The following REXO1 variants were observed in gnomAD, a reference collection of about 807,000 sequenced individuals.
The protein encoded by REXO1 is RNA exonuclease 1 homolog, also known as REX1, RNA exonuclease 1 homolog.
A neutral mutation model predicts 102.6 loss-of-function variants in REXO1; 42 were observed. The observed-to-expected ratio is 0.41, with a 90% CI of 0.32 to 0.53. The LOEUF is 0.53. REXO1 is among the 20% of genes least tolerant of loss of function. The pLI, the probability that REXO1 is intolerant of heterozygous loss-of-function variation, is 0.27. For missense variants in REXO1, 1,819 were observed against 1,732.5 expected (o/e 1.05, Z -0.89); for synonymous variants, 908 against 779.1 (o/e 1.17, Z -2.76).
chr19:1,837,587 C>A (rs2145317125), intron 1 of REXO1, among the ~76,000 whole-genome samples: 1 of 152,230 alleles, frequency 6.6e-6, no homozygotes, highest in Middle Eastern at 3.4e-3. Context: ...CCCAGCTCTG[C>A]CCCACCCCCC....
intron 1 of REXO1, among the ~76,000 whole-genome samples, chr19:1,839,910 C>T (rs2011211002): frequency 6.6e-6 from 1 of 152,228 alleles, no homozygotes; most frequent in African/African-American, 2.4e-5. Flanking sequence ...CTGCGCAGGC[C>T]CACTTCCATG....
At chr19:1,833,068 C>T (rs886591622) in intron 1 of REXO1, among the ~76,000 whole-genome samples, 7 of 151,896 alleles carry the variant, frequency 4.6e-5, no homozygotes, top group Non-Finnish European at 8.8e-5. Flanking sequence ...CAAAAAAATA[C>T]AAAAAATGAG....
At chr19:1,841,854 G>A (rs2011298013) in intron 1 of REXO1, among the ~76,000 whole-genome samples, 1 of 152,156 alleles carries the variant, frequency 6.6e-6, no homozygotes, top group Non-Finnish European at 1.5e-5. Flanking sequence ...GGCAGGGACG[G>A]TGCTTCTCAG....
chr19:1,819,332 C>T (rs897916734), intron 7 of REXO1, among the ~76,000 whole-genome samples: 1 of 152,154 alleles, frequency 6.6e-6, no homozygotes, highest in African/African-American at 2.4e-5. Flanking sequence ...GCAGGGCAGC[C>T]GCCAGCTCTG....
At chr19:1,816,633 G>GT in intron 13 of REXO1, 64 bp from the exon 14 acceptor site, 5 of 1,481,888 alleles carry the variant, frequency 3.4e-6, no homozygotes, top group East Asian at 2.3e-5. Flanking sequence ...TGGGGCGGGG[G>GT]AGGGTGGGTC....
At chr19:1,828,804 C>T (rs1370890586) in intron 1 of REXO1, among the ~76,000 whole-genome samples, 173 bp from the exon 2 acceptor site, 1 of 152,260 alleles carries the variant, frequency 6.6e-6, no homozygotes, top group Non-Finnish European at 1.5e-5. Flanking sequence ...GCCATGGCGC[C>T]ATCTCAGGCC....
chr19:1,824,271 C>G (rs1382754765), intron 3 of REXO1: 1 of 153,116 alleles, frequency 6.5e-6, no homozygotes, highest in East Asian at 1.9e-4. Context: ...GAGCTCAGAG[C>G]TGGACAACCG....
In REXO1 at chr19:1,818,474, G is replaced by A. The variant is rs1344820918; in HGVS notation, c.3016+8C>T. 1.3e-6 allele frequency: 2 copies of A among 1,584,216 alleles called. No homozygotes were observed. The highest frequency in any genetic ancestry group is 1.3e-5 in the African/African-American group (1 of 74,280). Reference sequence around the variant, plus strand: ...GTGGGAAGGGGAAGGACCCGGGTAAGGCCTTACCCCGGTTCCGGCGCAGCC... The same window carrying A: ...GTGGGAAGGGGAAGGACCCGGGTAAAGCCTTACCCCGGTTCCGGCGCAGCC... On this transcript the variant is annotated splice_region_variant and intron_variant, in intron 10 of 15. Coordinates refer to ENST00000170168, the MANE Select transcript of REXO1 (RefSeq NM_020695.4).
Position 1,823,574 on chromosome 19 carries a change from G to T in REXO1, c.2228C>A (p.Ala743Glu). ...IAHIPNPRLA[A>E]APTGAKRTLA... ...AGGCCCCCTGGGCCAGGACTCACCT[G>T]CAGCCAGGCGGGGGTTGGGGATGTG... The change falls in exon 4 of 16, where the codon GCA (alanine) becomes GAA (glutamate). Residue 743 changes from alanine (A) to glutamate (E), a missense_variant and splice_region_variant. Ala to Glu is a moderately radical substitution (Grantham distance 107, BLOSUM62 -1). Transcript: ENST00000170168. 7.6e-7 allele frequency: 1 copy of T among 1,307,652 alleles called. No homozygotes were observed. Among genetic ancestry groups the T allele is most frequent in the East Asian group, 3.0e-5 (1 of 32,798 alleles). The allele number at this position is 1,307,652 out of a possible 1,614,324, so 81.0% of individuals were successfully genotyped here.
chr19:1,828,688 T>G (rs1017560042), intron 1 of REXO1, 57 bp from the exon 2 acceptor site: 3 of 1,521,956 alleles, frequency 2.0e-6, no homozygotes, highest in South Asian at 2.4e-5. Context: ...GCCCGCAGCA[T>G]GGGGGCGGCC....
intron 1 of REXO1, among the ~76,000 whole-genome samples, chr19:1,836,412 C>A (rs1225081906): frequency 6.6e-6 from 1 of 152,170 alleles, no homozygotes; most frequent in Non-Finnish European, 1.5e-5. Flanking sequence ...GAGCCCCAGG[C>A]CCCTCCCACC....
chr19:1,817,534 G>T lies in REXO1; in HGVS notation c.3090+173C>A, dbSNP rs1034070964. 5 of 1,464,710 alleles carry T rather than the reference G, an allele frequency of 3.4e-6. No individual in the cohort carries two copies. In the African/African-American group the frequency reaches 7.1e-5, roughly 21 times the overall value. 90.7% of individuals were successfully genotyped at this position (1,464,710 alleles called of 1,614,324 possible). A position where few individuals can be genotyped will look rare whatever the true frequency, so the allele number is the denominator to read the frequency against. ...GCTTCCCAGGATGGGAAGTGGCCAG[G>T]GACAGGGCCTGGGGCCTACGGGTGC... On this transcript the variant is annotated intron_variant, in intron 11 of 15. Coordinates refer to ENST00000170168, the MANE Select transcript of REXO1 (RefSeq NM_020695.4).
rs1321516275 is a variant in REXO1 at position 1,828,165 on chromosome 19, C to T, written c.624G>A (p.Gln208=). ...ALEYVPKAVS[Q]PRRHSRPVPS... ...GAACGGGGCGGCTGTGCCGCCGGGG[C>T]TGGCTCACAGCCTTGGGGACGTATT... Residue 208 remains glutamine, a synonymous_variant, in exon 2 of 16, where the codon CAG becomes CAA. Transcript: ENST00000170168. The T allele has an allele frequency of 6.2e-7, 1 of 1,610,132 alleles. No individual in the cohort carries two copies. Among genetic ancestry groups the T allele is most frequent in the South Asian group, 1.1e-5 (1 of 90,674 alleles).
chr19:1,817,739 C>T lies in REXO1; in HGVS notation c.3058G>A (p.Ala1020Thr), dbSNP rs955248265. 6.2e-7 allele frequency: 1 copy of T among 1,612,254 alleles called. No homozygotes were observed. Among genetic ancestry groups the T allele is most frequent in the Non-Finnish European group, 8.5e-7 (1 of 1,179,748 alleles). The change falls in exon 11 of 16, where the codon GCC (alanine) becomes ACC (threonine). Residue 1020 changes from alanine (A) to threonine (T), a missense_variant. Ala to Thr is a moderately conservative substitution (Grantham distance 58). Coordinates refer to ENST00000170168, the MANE Select transcript of REXO1 (RefSeq NM_020695.4). ...WETQYMCCSA[A>T]AGSVGCQVAK... ...ACTTGGCAGCCGACAGAGCCGGCGGCAGCCGAGCAGCACATGTACTGGGTC... is the reference window on the plus strand; with the variant it reads ...ACTTGGCAGCCGACAGAGCCGGCGGTAGCCGAGCAGCACATGTACTGGGTC...
At chr19:1,838,059 G>A (rs533309063) in intron 1 of REXO1, among the ~76,000 whole-genome samples, 2 of 152,250 alleles carry the variant, frequency 1.3e-5, no homozygotes, top group Admixed American at 6.5e-5. Context: ...TCTAATCCCC[G>A]CGCTCTGGGA....
intron 12 of REXO1, 188 bp downstream of exon 12, chr19:1,817,031 C>T (rs2069386661): frequency 2.5e-6 from 2 of 792,860 alleles, no homozygotes; most frequent in Non-Finnish European, 3.9e-6. Flanking sequence ...GCCCAGTGCC[C>T]GGTGTGCTTG....
At chr19:1,844,885 CAGG>C (rs2011467157) in intron 1 of REXO1, among the ~76,000 whole-genome samples, 1 of 152,234 alleles carries the variant, frequency 6.6e-6, no homozygotes, top group Non-Finnish European at 1.5e-5. Flanking sequence ...CTGCCTCCCT[CAGG>C]AGAAGCATCA....
chr19:1,838,503 C>T (rs1012317175), intron 1 of REXO1, among the ~76,000 whole-genome samples: 1 of 149,804 alleles, frequency 6.7e-6, no homozygotes, highest in Non-Finnish European at 1.5e-5. Context: ...TGCCTGTAAT[C>T]CCAGGTAATC....
At chr19:1,835,827 A>G (rs1178142572) in intron 1 of REXO1, among the ~76,000 whole-genome samples, 4 of 152,084 alleles carry the variant, frequency 2.6e-5, no homozygotes, top group Admixed American at 2.6e-4. Flanking sequence ...TGGTCCTGAG[A>G]GGCCACAACG....
Sources: gnomAD v4.1 joint callset for allele counts (sites outside exome capture counted in the v4.1 genomes callset) on GRCh38, gnomAD v4.1.1 for gene constraint, MANE v1.5 for transcripts, NCBI Gene and HGNC (gene_info 2026-07-23, HGNC 2026-07-21) for gene names.